PRKACB: variants seen among roughly 807,000 people sequenced by gnomAD.
PRKACB encodes cAMP-dependent protein kinase catalytic subunit beta.
A neutral mutation model predicts 51.4 loss-of-function variants in PRKACB; 16 were observed. The ratio of observed to expected loss-of-function variants is 0.31; its 90% CI spans 0.21 to 0.47. The LOEUF (loss-of-function observed/expected upper bound fraction) is 0.47, where lower values mean the gene tolerates loss of function less well. Among genes scored for constraint, PRKACB ranks in the 20% least tolerant of loss-of-function variants. The pLI is 1.00. For missense variants in PRKACB, 309 were observed against 464.5 expected, an observed-to-expected ratio of 0.67 and a Z score of 3.08; for synonymous variants, 147 against 154.4, an observed-to-expected ratio of 0.95 and a Z score of 0.35.
chr1:84,083,441 A>G (rs1011474288), intron 1 of PRKACB, among the ~76,000 whole-genome samples: 1 of 152,088 alleles, frequency 6.6e-6, no homozygotes, highest in Non-Finnish European at 1.5e-5. Context: ...TAGGCTGTAG[A>G]CAGATTGTTG....
intron 1 of PRKACB, among the ~76,000 whole-genome samples, chr1:84,156,464 T>C (rs1248205469): frequency 1.3e-5 from 2 of 152,192 alleles, no homozygotes; most frequent in South Asian, 2.1e-4. Context: ...ATTATGTTCA[T>C]TCAAAGGTTA....
chr1:84,107,441 C>T (rs558733032), intron 1 of PRKACB, among the ~76,000 whole-genome samples: 27 of 152,118 alleles, frequency 1.8e-4, no homozygotes, highest in African/African-American at 6.3e-4. Flanking sequence ...AATTTCATAA[C>T]GAAAATGGCA....
chr1:84,219,569 A>G (rs1036070250), intron 9 of PRKACB, among the ~76,000 whole-genome samples: 1 of 151,498 alleles, frequency 6.6e-6, no homozygotes, highest in African/African-American at 2.4e-5. Context: ...TTCTTCTAGT[A>G]TTGTTATGGT....
chr1:84,137,977 C>A (rs958187024), intron 1 of PRKACB, among the ~76,000 whole-genome samples: 6 of 152,090 alleles, frequency 3.9e-5, no homozygotes, highest in South Asian at 2.1e-4. Context: ...AGGGAATAGG[C>A]AAATGTTAGT....
At chr1:84,078,091 A>ACCGCCGTCGCCG (rs2100724264), upstream of PRKACB, 2 of 405,510 alleles carry the variant, frequency 4.9e-6, no homozygotes, top group Non-Finnish European at 8.5e-6. Flanking sequence ...TGCTGCTGCC[A>ACCGCCGTCGCCG]CCGCCGTCGC....
intron 2 of PRKACB, among the ~76,000 whole-genome samples, chr1:84,180,451 C>T (rs1336452812): frequency 6.6e-6 from 1 of 151,162 alleles, no homozygotes; most frequent in East Asian, 2.0e-4. Flanking sequence ...GGATAAAAGA[C>T]TACAAATATG....
chr1:84,178,863 A>G lies in PRKACB; in HGVS notation c.188-314A>G, dbSNP rs570394639. 4 of 173,254 alleles carry G rather than the reference A, an allele frequency of 2.3e-5. No individual in the cohort carries two copies. The South Asian group carries it at 4.9e-4, about 21-fold the overall frequency. 10.7% of individuals were successfully genotyped at this position (173,254 alleles called of 1,614,324 possible). Reference sequence around the variant, plus strand: ...TACTGATGGCCTTTTTACAGTCACTATTTTGTCCTAAATTAATTTCTGACT... The same window carrying G: ...TACTGATGGCCTTTTTACAGTCACTGTTTTGTCCTAAATTAATTTCTGACT... On this transcript the variant is annotated intron_variant, in intron 1 of 9. Transcript: ENST00000370685.
intron 1 of PRKACB, among the ~76,000 whole-genome samples, chr1:84,093,109 AT>A (rs1187610842): frequency 6.6e-6 from 1 of 151,996 alleles, no homozygotes; most frequent in Non-Finnish European, 1.5e-5. Context: ...TAATTTACAA[AT>A]CATTTCCTTT....
chr1:84,225,175 C>A (rs903010284), intron 9 of PRKACB, among the ~76,000 whole-genome samples: 2 of 152,116 alleles, frequency 1.3e-5, no homozygotes, highest in African/African-American at 4.8e-5. Context: ...TCCTAGGCCC[C>A]TGGATAAAAT....
At chr1:84,145,958 G>A (rs1168438464) in intron 1 of PRKACB, among the ~76,000 whole-genome samples, 3 of 151,968 alleles carry the variant, frequency 2.0e-5, no homozygotes, top group Admixed American at 6.6e-5. Context: ...TATAGTGGGT[G>A]TTTAGTAAAA....
intron 1 of PRKACB, among the ~76,000 whole-genome samples, chr1:84,166,795 C>G (rs1213162369): frequency 6.6e-6 from 1 of 151,604 alleles, no homozygotes; most frequent in Non-Finnish European, 1.5e-5. Flanking sequence ...TTATCCTTTG[C>G]CAATTAAATG....
At chr1:84,194,897 C>G (rs920767401) in intron 5 of PRKACB, among the ~76,000 whole-genome samples, 3 of 152,070 alleles carry the variant, frequency 2.0e-5, no homozygotes, top group African/African-American at 7.2e-5. Flanking sequence ...TGCTACAGCA[C>G]TCCAGCCTGG....
intron 1 of PRKACB, among the ~76,000 whole-genome samples, chr1:84,098,881 A>C (rs1649127030): frequency 6.6e-6 from 1 of 152,096 alleles, no homozygotes; most frequent in Non-Finnish European, 1.5e-5. Flanking sequence ...GGAGGAAAAA[A>C]GATAATATTT....
At chr1:84,088,148 G>A (rs957805929) in intron 1 of PRKACB, among the ~76,000 whole-genome samples, 4 of 152,098 alleles carry the variant, frequency 2.6e-5, no homozygotes, top group Non-Finnish European at 5.9e-5. Flanking sequence ...TTCTGCCTTC[G>A]AAAATCCAAT....
intron 2 of PRKACB, 94 bp downstream of exon 2, chr1:84,179,332 T>C: frequency 7.4e-7 from 1 of 1,359,912 alleles, no homozygotes; most frequent in East Asian, 2.7e-5. Flanking sequence ...GAAATTTTAA[T>C]TTTCATGTGG....
chr1:84,091,208 G>C (rs1280717498), intron 1 of PRKACB, among the ~76,000 whole-genome samples: 1 of 152,114 alleles, frequency 6.6e-6, no homozygotes, highest in East Asian at 1.9e-4. Context: ...AGAAGAAAGA[G>C]AAAAATGTTC....
At chr1:84,107,136 A>G (rs1361704059) in intron 1 of PRKACB, among the ~76,000 whole-genome samples, 1 of 152,176 alleles carries the variant, frequency 6.6e-6, no homozygotes, top group Non-Finnish European at 1.5e-5. Context: ...CGAACCTAAA[A>G]TAAAAGTTAA....
chr1:84,095,188 A>C (rs893121088), intron 1 of PRKACB, among the ~76,000 whole-genome samples: 3 of 151,318 alleles, frequency 2.0e-5, no homozygotes, highest in Admixed American at 1.3e-4. Context: ...TTAACACTCC[A>C]TCATGCATTA....
chr1:84,204,678 T>C, intron 8 of PRKACB: 1 of 1,035,726 alleles, frequency 9.7e-7, no homozygotes, highest in Non-Finnish European at 1.2e-6. Context: ...AATGTAAATG[T>C]TATAATAATT....
Sources: allele counts gnomAD v4.1 joint callset (sites outside exome capture counted in the v4.1 genomes callset), GRCh38; gene constraint gnomAD v4.1.1; transcripts MANE v1.5; gene names NCBI Gene and HGNC (gene_info 2026-07-23, HGNC 2026-07-21).